WDR38: variants seen among roughly 807,000 people sequenced by gnomAD.
WDR38 encodes the protein WD repeat domain 38.
A neutral mutation model predicts 36.6 loss-of-function variants in WDR38; 37 were observed. The observed-to-expected ratio is 1.01, with a 90% CI of 0.78 to 1.33. The LOEUF (loss-of-function observed/expected upper bound fraction) is 1.33. WDR38 is among the 40% of genes most tolerant of loss of function. The probability of loss-of-function intolerance (pLI) is 0.00; values close to 1 mark genes in which losing one functional copy is unlikely to be tolerated. For synonymous variants in WDR38, 164 were observed against 168.1 expected, an observed-to-expected ratio of 0.98 and a Z score of 0.19; for missense variants, 411 against 414.6, an observed-to-expected ratio of 0.99 and a Z score of 0.07.
chr9:124,855,380 C>T (rs190851147), intron 2 of WDR38, among the ~76,000 whole-genome samples: 3 of 152,232 alleles, frequency 2.0e-5, no homozygotes, highest in East Asian at 1.9e-4. Context: ...ACCTAGGCAG[C>T]GGTTGTTAGG....
chr9:124,855,678 G>T lies in WDR38; in HGVS notation c.235G>T (p.Ala79Ser), dbSNP rs747308613. 1.2e-6 allele frequency: 2 copies of T among 1,612,846 alleles called. No individual in the cohort carries two copies. Among genetic ancestry groups the T allele is most frequent in the Non-Finnish European group, 1.7e-6 (2 of 1,180,040 alleles). ...CRFSPDGHLF[A>S]SASCDCTVRL... ...CTTCTCCCCTGATGGCCACCTCTTC[G>T]CCAGCGCCTCCTGTGACTGCACTGT... The change falls in exon 3 of 9, where the codon GCC becomes TCC. Residue 79 changes from alanine (A) to serine (S), a missense_variant. By Grantham distance (99) the Ala-to-Ser change is moderately conservative. Transcript: ENST00000373574.
intron 6 of WDR38, 60 bp downstream of exon 6, chr9:124,856,660 T>C: frequency 6.2e-7 from 1 of 1,612,576 alleles, no homozygotes; most frequent in Non-Finnish European, 8.5e-7. Context: ...CCCTTAAGGG[T>C]CCCAGGCCAC....
chr9:124,857,264 G>A (rs374884533), intron 7 of WDR38, 100 bp from the exon 8 acceptor site: 16 of 1,494,102 alleles, frequency 1.1e-5, no homozygotes, highest in African/African-American at 4.1e-5. Flanking sequence ...GAGTTCAGGC[G>A]AAGACTCATC....
chr9:124,854,474 G>A, intron 2 of WDR38, 149 bp downstream of exon 2: 1 of 1,232,648 alleles, frequency 8.1e-7, no homozygotes, highest in Non-Finnish European at 1.1e-6. Context: ...GGGTGCTGGG[G>A]CTTAGACTCT....
chr9:124,857,583 C>T lies in WDR38; in HGVS notation c.898C>T (p.Arg300Cys), dbSNP rs371416084. The change falls in exon 9 of 9, where the codon CGT (arginine) becomes TGT (cysteine). Residue 300 changes from arginine to cysteine, a missense_variant. By Grantham distance (180) the Arg-to-Cys change is radical. Coordinates refer to ENST00000373574, the MANE Select transcript of WDR38 (RefSeq NM_001045476.3). ...LVSGAADQTR[R>C]QISRTSKSPR... The stretch of plus-strand genomic sequence containing the variant: ...GTCTGGAGCTGCCGATCAGACTAGA[C>T]GTCAAATATCCCGCACGTCCAAATC... 137 of 1,614,042 alleles carry T rather than the reference C, an allele frequency of 8.5e-5. No homozygotes were observed. The highest frequency in any genetic ancestry group is 1.6e-4 in the Middle Eastern group (1 of 6,084).
intron 1 of WDR38, among the ~76,000 whole-genome samples, chr9:124,853,944 C>T (rs1222349175): frequency 6.6e-6 from 1 of 152,182 alleles, no homozygotes; most frequent in Non-Finnish European, 1.5e-5. Context: ...TCTCCGTTGT[C>T]AGCTGCGGCT....
At position 124,856,321 on chromosome 9, in the gene WDR38, G is replaced by A. The variant is rs1234671962; in HGVS notation, c.486+1G>A. ...CTTCTCACCCACGGTGAACTGCCTG[G>A]TGAGCCTACCCTCTGCCCTGGGCCC... is the stretch of plus-strand genomic sequence containing the variant. On this transcript the variant is annotated splice_donor_variant, in intron 5 of 8. Coordinates refer to ENST00000373574, the MANE Select transcript of WDR38 (RefSeq NM_001045476.3). LOFTEE classifies it high-confidence loss of function. 1.2e-6 allele frequency: 2 copies of A among 1,614,064 alleles called. No homozygotes were observed. Among genetic ancestry groups the A allele is most frequent in the Non-Finnish European group, 1.7e-6 (2 of 1,180,054 alleles).
At position 124,857,395 on chromosome 9, in the gene WDR38, G is replaced by A; in HGVS notation, c.800G>A (p.Cys267Tyr). Reference sequence around the variant, plus strand: ...GTCTGGGACTGCAACACAGGAAAGTGCCTTGAGACCCTGAAGGTAAGGCAC... The same window carrying A: ...GTCTGGGACTGCAACACAGGAAAGTACCTTGAGACCCTGAAGGTAAGGCAC... ...VKVWDCNTGK[C>Y]LETLKGVLDV... The change falls in exon 8 of 9, where the codon TGC becomes TAC. Residue 267 changes from cysteine (C) to tyrosine (Y), a missense_variant. Cys to Tyr is a radical substitution (Grantham distance 194). Transcript: ENST00000373574. 4 of 1,614,140 alleles carry A rather than the reference G, an allele frequency of 2.5e-6. No homozygotes were observed. In the African/African-American group the frequency reaches 4.0e-5, roughly 16 times the overall value.
intron 4 of WDR38, 41 bp downstream of exon 4, chr9:124,855,999 A>G (rs750530631): frequency 1.9e-6 from 3 of 1,612,422 alleles, no homozygotes; most frequent in African/African-American, 1.3e-5. Flanking sequence ...GGATTCAAGG[A>G]CCAGTTCCAG....
intron 3 of WDR38, 29 bp from the exon 4 acceptor site, chr9:124,855,832 C>A: frequency 6.2e-7 from 1 of 1,613,994 alleles, no homozygotes; most frequent in Non-Finnish European, 8.5e-7. Flanking sequence ...ACCTTTCCAC[C>A]TTCCCCGACC....
intron 7 of WDR38, 69 bp downstream of exon 7, chr9:124,856,950 C>T (rs1176713943): frequency 6.3e-7 from 1 of 1,597,094 alleles, no homozygotes; most frequent in African/African-American, 1.3e-5. Flanking sequence ...TCAGCACTCA[C>T]TCCAGAAATG....
rs1829063782 is a variant in WDR38, at chr9:124,856,319, T to A, written c.485T>A (p.Leu162Gln). ...GACTTCTCACCCACGGTGAACTGCC[T>A]GGTGAGCCTACCCTCTGCCCTGGGC... ...SSDFSPTVNC[L>Q]ATGSWDSTVH... Residue 162 changes from leucine to glutamine, a missense_variant and splice_region_variant, in exon 5 of 9, where the codon CTG becomes CAG. Physicochemically the swap from Leu to Gln is moderately radical, Grantham distance 113 (BLOSUM62 -2). Coordinates refer to ENST00000373574, the MANE Select transcript of WDR38 (RefSeq NM_001045476.3). 2 of 1,614,148 alleles carry A rather than the reference T, an allele frequency of 1.2e-6. No homozygotes were observed. The highest frequency in any genetic ancestry group is 1.6e-4 in the Middle Eastern group (1 of 6,062).
Position 124,853,583 on chromosome 9 carries a change from G to C in WDR38, c.52G>C (p.Gly18Arg). 5 of 1,270,588 alleles carry C rather than the reference G, an allele frequency of 3.9e-6. No individual in the cohort carries two copies. The Admixed American group carries it at 1.6e-4, about 40-fold the overall frequency. 78.7% of individuals were successfully genotyped at this position (1,270,588 alleles called of 1,614,324 possible). The change falls in exon 1 of 9, where the codon GGC (glycine) becomes CGC (arginine). Residue 18 changes from glycine to arginine, a missense_variant. Transcript: ENST00000373574. ...TLAVRRVKFF[G>R]QHGGEVNSSA... is the part of the protein sequence containing the mutation. ...GGCCGTGCGGAGAGTGAAATTCTTC[G>C]GCCAGCACGGCGGGGAGGTGAGGTC...
In WDR38 at chr9:124,855,884, G is replaced by C. The variant is rs1444627485; in HGVS notation, c.331G>C (p.Val111Leu). 1 of 1,614,146 alleles carries C rather than the reference G, an allele frequency of 6.2e-7. No individual in the cohort carries two copies. The highest frequency in any genetic ancestry group is 1.1e-5 in the South Asian group (1 of 91,082). Residue 111 changes from valine (V) to leucine (L), a missense_variant, in exon 4 of 9, where the codon GTC (valine) becomes CTC (leucine). Coordinates refer to ENST00000373574, the MANE Select transcript of WDR38 (RefSeq NM_001045476.3). Reference protein sequence around the residue: ...LKGHQRSVETVSFSPDSRQLA... With the variant: ...LKGHQRSVETLSFSPDSRQLA... ...AGGTCACCAACGGAGTGTGGAGACG[G>C]TCAGCTTCAGCCCTGACTCGAGACA... is the stretch of plus-strand genomic sequence containing the variant.
Position 124,857,539 on chromosome 9 carries a change from C to G in WDR38, c.854C>G (p.Pro285Arg). 6.2e-7 allele frequency: 1 copy of G among 1,614,198 alleles called. No homozygotes were observed. The highest frequency in any genetic ancestry group is 1.1e-5 in the South Asian group (1 of 91,080). The change falls in exon 9 of 9, where the codon CCA becomes CGA. Residue 285 changes from proline (P) to arginine (R), a missense_variant. Transcript: ENST00000373574. ...LDVAHTCAFT[P>R]DGKILVSGAA... ...GTGGCCCACACCTGTGCCTTCACCC[C>G]AGATGGGAAAATCTTAGTGTCTGGA...
Position 124,853,473 on chromosome 9 carries a change from C to T in WDR38, c.-59C>T. 8.9e-7 allele frequency: 1 copy of T among 1,123,384 alleles called. No individual in the cohort carries two copies. Among genetic ancestry groups the T allele is most frequent in the Non-Finnish European group, 1.1e-6 (1 of 882,624 alleles). 69.6% of individuals were successfully genotyped at this position (1,123,384 alleles called of 1,614,324 possible). ...AGTTTCCTCTTTCCTCTGCCCAGTC[C>T]TGGGGTCCCGCGGCCGCCTAGGAGG... On this transcript the variant is annotated 5_prime_UTR_variant, in exon 1 of 9. Transcript: ENST00000373574.
chr9:124,853,990 T>C (rs1281461406), intron 1 of WDR38, among the ~76,000 whole-genome samples: 1 of 152,156 alleles, frequency 6.6e-6, no homozygotes, highest in Admixed American at 6.5e-5. Context: ...TTCCAGGCTC[T>C]GGTTCCAGAG....
rs527747227 is a variant in WDR38 at position 124,857,794 on chromosome 9, C to T, written c.*164C>T. 4.2e-5 allele frequency: 64 copies of T among 1,507,488 alleles called. No individual in the cohort carries two copies. In the African/African-American group the frequency reaches 6.3e-4, roughly 15 times the overall value. 93.4% of individuals were successfully genotyped at this position (1,507,488 alleles called of 1,614,324 possible). A position where few individuals can be genotyped will look rare whatever the true frequency, so the allele number is the denominator to read the frequency against. On this transcript the variant is annotated 3_prime_UTR_variant, in exon 9 of 9. Transcript: ENST00000373574. ...GAGCAGACAACTGTGGTGGGCAGGACGCTTGCTGGAACCCATCAGACACCT... is the reference window on the plus strand; with the variant it reads ...GAGCAGACAACTGTGGTGGGCAGGATGCTTGCTGGAACCCATCAGACACCT...
rs1829114446 is a variant in WDR38 at position 124,857,536 on chromosome 9, C to T, written c.851C>T (p.Thr284Ile). 2 of 1,614,056 alleles carry T rather than the reference C, an allele frequency of 1.2e-6. No homozygotes were observed. Among genetic ancestry groups the T allele is most frequent in the South Asian group, 1.1e-5 (1 of 91,092 alleles). ...GATGTGGCCCACACCTGTGCCTTCA[C>T]CCCAGATGGGAAAATCTTAGTGTCT... is the stretch of plus-strand genomic sequence containing the variant. Reference protein sequence around the residue: ...VLDVAHTCAFTPDGKILVSGA... With the variant: ...VLDVAHTCAFIPDGKILVSGA... The change falls in exon 9 of 9, where the codon ACC becomes ATC. Residue 284 changes from threonine (T) to isoleucine (I), a missense_variant. Coordinates refer to ENST00000373574, the MANE Select transcript of WDR38 (RefSeq NM_001045476.3).
Sources: gnomAD v4.1 joint callset for allele counts (sites outside exome capture counted in the v4.1 genomes callset) on GRCh38, gnomAD v4.1.1 for gene constraint, MANE v1.5 for transcripts, NCBI Gene and HGNC (gene_info 2026-07-23, HGNC 2026-07-21) for gene names.